PPP2R3A: variants seen among roughly 807,000 people sequenced by gnomAD.
PPP2R3A encodes the protein serine/threonine-protein phosphatase 2A regulatory subunit B'' subunit alpha.
Under a neutral mutation model 106.9 loss-of-function variants are expected in PPP2R3A, and 80 were observed. That is an observed-to-expected ratio of 0.75 (90% CI 0.62 to 0.90). The LOEUF is 0.90. Ranked by LOEUF, PPP2R3A falls within the 40% of genes least tolerant of loss-of-function variation. PPP2R3A has a pLI of 0.00. For missense variants in PPP2R3A, 1,386 were observed against 1,350.4 expected (o/e 1.03, Z -0.41); for synonymous variants, 483 against 468.3 (o/e 1.03, Z -0.41).
intron 5 of PPP2R3A, among the ~76,000 whole-genome samples, chr3:136,060,007 G>A (rs550335693): frequency 5.4e-4 from 82 of 152,270 alleles, no homozygotes; most frequent in African/African-American, 1.8e-3. Context: ...AGGAAGGAGA[G>A]GATCAGGAAA....
In PPP2R3A at chr3:136,002,662, A is replaced by C; in HGVS notation, c.1164A>C (p.Leu388=). The change falls in exon 2 of 14, where the codon CTA becomes CTC. Residue 388 remains leucine, a synonymous_variant. Transcript: ENST00000264977. ...YNLEVNDPRT[L]KAVQVQSQSL... ...TAGAGGTAAATGATCCTAGAACTCT[A>C]AAAGCTGTCCAGGTCCAATCACAGT... 1 of 1,613,558 alleles carries C rather than the reference A, an allele frequency of 6.2e-7. No individual in the cohort carries two copies. The highest frequency in any genetic ancestry group is 8.5e-7 in the Non-Finnish European group (1 of 1,179,482).
chr3:136,043,864 A>G (rs1173219576), intron 4 of PPP2R3A, among the ~76,000 whole-genome samples: 1 of 152,180 alleles, frequency 6.6e-6, no homozygotes, highest in East Asian at 1.9e-4. Flanking sequence ...TTTAGCTTTC[A>G]TGACTTTTAT....
chr3:136,077,737 T>C (rs561207360), intron 6 of PPP2R3A, among the ~76,000 whole-genome samples: 175 of 152,250 alleles, frequency 1.1e-3, no homozygotes, highest in African/African-American at 4.2e-3. Context: ...TTGCTTCTTA[T>C]CTCCTCTTCT....
chr3:136,019,837 A>G (rs1026740409), intron 2 of PPP2R3A, among the ~76,000 whole-genome samples: 1 of 152,160 alleles, frequency 6.6e-6, no homozygotes, highest in African/African-American at 2.4e-5. Flanking sequence ...AAACTTACCA[A>G]TTATTTCCTC....
intron 3 of PPP2R3A, among the ~76,000 whole-genome samples, chr3:136,039,170 C>T (rs1007700834): frequency 2.0e-5 from 3 of 152,296 alleles, no homozygotes; most frequent in Admixed American, 2.0e-4. Flanking sequence ...GCAGCTTCAC[C>T]TAAGCCTAAG....
In PPP2R3A at chr3:136,082,420, G is replaced by C. The variant is rs1046938726; in HGVS notation, c.2787G>C (p.Gln929His). 6.2e-7 allele frequency: 1 copy of C among 1,613,228 alleles called. No homozygotes were observed. The highest frequency in any genetic ancestry group is 8.5e-7 in the Non-Finnish European group (1 of 1,179,332). Reference protein sequence around the residue: ...SQADLSRYNDQASSSRIIERI... With the variant: ...SQADLSRYNDHASSSRIIERI... ...CCGATCTGTCTCGATACAATGACCA[G>C]GGTAAGTGATTCTGTAGATGCTAAG... The change falls in exon 8 of 14, where the codon CAG becomes CAC. Residue 929 changes from glutamine (Q) to histidine (H), a missense_variant and splice_region_variant. Gln to His is a conservative substitution (Grantham distance 24, BLOSUM62 0). Transcript: ENST00000264977.
chr3:135,966,920 C>T (rs1450654201), intron 1 of PPP2R3A, among the ~76,000 whole-genome samples: 1 of 151,974 alleles, frequency 6.6e-6, no homozygotes, highest in African/African-American at 2.4e-5. Context: ...AGCGCCTAGA[C>T]CCTAAGAATT....
At chr3:136,132,887 C>G (rs1938480607) in intron 13 of PPP2R3A, among the ~76,000 whole-genome samples, 1 of 152,030 alleles carries the variant, frequency 6.6e-6, no homozygotes, top group Non-Finnish European at 1.5e-5. Flanking sequence ...CATTGTAGCA[C>G]TGGTATATAT....
chr3:136,020,542 C>A (rs990215589), intron 2 of PPP2R3A, among the ~76,000 whole-genome samples: 10 of 151,872 alleles, frequency 6.6e-5, no homozygotes, highest in African/African-American at 2.4e-4. Flanking sequence ...AATTTTACAG[C>A]AAAATCTTTT....
chr3:136,126,843 A>G (rs903551390), intron 13 of PPP2R3A, among the ~76,000 whole-genome samples: 1 of 152,206 alleles, frequency 6.6e-6, no homozygotes, highest in Non-Finnish European at 1.5e-5. Context: ...GCTGTTCTGC[A>G]GCCTCCGCTG....
intron 4 of PPP2R3A, among the ~76,000 whole-genome samples, chr3:136,041,179 T>G (rs1340210955): frequency 6.6e-6 from 1 of 151,844 alleles, no homozygotes; most frequent in Non-Finnish European, 1.5e-5. Context: ...AAAGCAGATC[T>G]GCAGAAATCT....
At chr3:136,043,805 A>G (rs558349346) in intron 4 of PPP2R3A, among the ~76,000 whole-genome samples, 5 of 152,172 alleles carry the variant, frequency 3.3e-5, no homozygotes, top group South Asian at 4.1e-4. Context: ...ATTTTGTCCT[A>G]AAAGTTCTGA....
chr3:136,028,966 C>T (rs1267307681), intron 3 of PPP2R3A, among the ~76,000 whole-genome samples: 1 of 152,136 alleles, frequency 6.6e-6, no homozygotes, highest in Admixed American at 6.5e-5. Flanking sequence ...GATTCTCCTG[C>T]CTCAGCCTCC....
rs115357695 is a variant in PPP2R3A, at chr3:136,079,133, A to G, written c.2631+680A>G. 2,439 of 449,808 alleles carry G rather than the reference A, an allele frequency of 5.4e-3. 31 individuals are homozygous for G. The highest frequency in any genetic ancestry group is 0.032 in the African/African-American group (1,588 of 49,828). The allele number at this position is 449,808 out of a possible 1,614,324, so 27.9% of individuals were successfully genotyped here. On this transcript the variant is annotated intron_variant, in intron 7 of 13. Coordinates refer to ENST00000264977, the MANE Select transcript of PPP2R3A (RefSeq NM_002718.5). The stretch of plus-strand genomic sequence containing the variant: ...CCTTACTTACTCTTTATTTTTTCCT[A>G]TCTTCATCTGAGACAGAGTAATGAA...
chr3:136,126,693 A>G (rs1938194025), intron 13 of PPP2R3A, among the ~76,000 whole-genome samples: 2 of 152,200 alleles, frequency 1.3e-5, no homozygotes, highest in African/African-American at 4.8e-5. Context: ...TCCTCAAGTG[A>G]GTCCCTGACC....
In PPP2R3A at chr3:136,145,908, C is replaced by CTT. The variant is rs1452541009; in HGVS notation, c.*745_*746dup. 6.6e-6 allele frequency: 1 copy of CTT among 151,882 alleles called. No individual in the cohort carries two copies. 9.4% of individuals were successfully genotyped at this position (151,882 alleles called of 1,614,324 possible). ...TCATACTTGGAAAAAGCCCTTTTAA[C>CTT]TTTTATCTTTTATTCATTGAACTAT... On this transcript the variant is annotated 3_prime_UTR_variant, in exon 14 of 14. Transcript: ENST00000264977.
chr3:136,040,893 T>C lies in PPP2R3A; in HGVS notation c.2297T>C (p.Met766Thr). ...TGTCCTCTCTATTGGAAAGCCCCCATGTTCAGGGCTGCAGGGGGAGAGAAG... is the reference window on the plus strand; with the variant it reads ...TGTCCTCTCTATTGGAAAGCCCCCACGTTCAGGGCTGCAGGGGGAGAGAAG... ...CGCPLYWKAP[M>T]FRAAGGEKTG... Residue 766 changes from methionine to threonine, a missense_variant, in exon 4 of 14, where the codon ATG becomes ACG. Coordinates refer to ENST00000264977, the MANE Select transcript of PPP2R3A (RefSeq NM_002718.5). The C allele has an allele frequency of 1.2e-6, 2 of 1,613,448 alleles. No homozygotes were observed. Among genetic ancestry groups the C allele is most frequent in the Admixed American group, 1.7e-5 (1 of 59,952 alleles).
At chr3:136,086,921 G>T (rs1012550256) in intron 8 of PPP2R3A, among the ~76,000 whole-genome samples, 14 of 152,184 alleles carry the variant, frequency 9.2e-5, no homozygotes, top group Admixed American at 3.9e-4. Context: ...TAAAGAACAG[G>T]CTGGGCATGG....
intron 1 of PPP2R3A, among the ~76,000 whole-genome samples, chr3:135,992,896 G>A (rs780863862): frequency 5.3e-5 from 8 of 152,138 alleles, no homozygotes; most frequent in Non-Finnish European, 1.0e-4. Flanking sequence ...GAGGAGAGAT[G>A]CAAGGAAGGA....
Sources: allele counts gnomAD v4.1 joint callset (sites outside exome capture counted in the v4.1 genomes callset), GRCh38; gene constraint gnomAD v4.1.1; transcripts MANE v1.5; gene names NCBI Gene and HGNC (gene_info 2026-07-23, HGNC 2026-07-21).